The following PITPNM1 variants were observed in gnomAD, a reference collection of about 807,000 sequenced individuals.
The protein encoded by PITPNM1 is membrane-associated phosphatidylinositol transfer protein 1.
Under a neutral mutation model 133.3 loss-of-function variants are expected in PITPNM1, and 74 were observed. That is an observed-to-expected ratio of 0.56 (90% CI 0.46 to 0.67). PITPNM1 has a LOEUF of 0.67. PITPNM1 is among the 30% of genes least tolerant of loss of function. PITPNM1 has a pLI of 0.00. For synonymous variants in PITPNM1, 738 were observed against 741.4 expected, an observed-to-expected ratio of 1.00 and a Z score of 0.08; for missense variants, 1,398 against 1,739.5, an observed-to-expected ratio of 0.80 and a Z score of 3.49.
chr11:67,502,993 GAGATATATTGATGAATAGA>G lies in PITPNM1; in HGVS notation c.79-294_79-276del, dbSNP rs1866384568. 6.6e-6 allele frequency among the ~76,000 whole-genome samples: 1 copy of G among 152,212 alleles called. No homozygotes were observed. The highest frequency in any genetic ancestry group is 1.5e-5 in the Non-Finnish European group (1 of 68,052). ...GGCAGTGTTTGGGATTATATCAATT[GAGATATATTGATGAATAGA>G]ACAAAGATCCCTGCCCTCGTGGAAC... On this transcript the variant is annotated intron_variant, in intron 2 of 23. Transcript: ENST00000356404. The surrounding 1 kb of genome is among the most constrained non-coding windows in gnomAD (Gnocchi z 5.9).
At chr11:67,493,162 GGCAGACGGAGGCGAA>G in intron 22 of PITPNM1, 100 bp from the exon 23 acceptor site, 2 of 1,409,786 alleles carry the variant, frequency 1.4e-6, no homozygotes, top group Non-Finnish European at 2.0e-6. Context: ...GGTGGGTCCA[GGCAGACGGAGGCGAA>G]GACAGGTCCC....
In PITPNM1 at chr11:67,494,367, G is replaced by A. The variant is rs1290484440; in HGVS notation, c.2743-7C>T. 2 of 1,590,630 alleles carry A rather than the reference G, an allele frequency of 1.3e-6. No individual in the cohort carries two copies. Among genetic ancestry groups the A allele is most frequent in the Non-Finnish European group, 1.7e-6 (2 of 1,167,332 alleles). ...GGTGGTTGGAAGTGACGTTCTAGAGGGAGGAGAGGGCGTGAGTCCGCGGCC... is the reference window on the plus strand; with the variant it reads ...GGTGGTTGGAAGTGACGTTCTAGAGAGAGGAGAGGGCGTGAGTCCGCGGCC... On this transcript the variant is annotated splice_region_variant and splice_polypyrimidine_tract_variant and intron_variant, in intron 18 of 23. Coordinates refer to ENST00000356404, the MANE Select transcript of PITPNM1 (RefSeq NM_004910.3).
At chr11:67,497,877 C>G in intron 12 of PITPNM1, 40 bp downstream of exon 12, 1 of 1,579,720 alleles carries the variant, frequency 6.3e-7, no homozygotes, top group Non-Finnish European at 8.7e-7. Flanking sequence ...CCAGAGAGGG[C>G]CTTTCCGCTC....
rs1445355167 is a variant in PITPNM1, at chr11:67,493,407, C to T, written c.3342+3G>A. On this transcript the variant is annotated splice_donor_region_variant and intron_variant, in intron 22 of 23. Coordinates refer to ENST00000356404, the MANE Select transcript of PITPNM1 (RefSeq NM_004910.3). Reference sequence around the variant, plus strand: ...GACCCGGAGCCTCCCCCAGCCGCCGCACCTCCTGCACCAGGCTCTGCAGAA... The same window carrying T: ...GACCCGGAGCCTCCCCCAGCCGCCGTACCTCCTGCACCAGGCTCTGCAGAA... 6.3e-7 allele frequency: 1 copy of T among 1,576,382 alleles called. No homozygotes were observed. The highest frequency in any genetic ancestry group is 1.3e-5 in the African/African-American group (1 of 74,316).
At chr11:67,493,324 C>T in intron 22 of PITPNM1, 86 bp downstream of exon 22, 2 of 1,365,684 alleles carry the variant, frequency 1.5e-6, no homozygotes, top group Non-Finnish European at 2.0e-6. Flanking sequence ...CAGTTGGGAA[C>T]AGATGGGCCT....
rs1367696313 is a variant in PITPNM1, at chr11:67,497,907, C to A, written c.1782+10G>T. 6.2e-7 allele frequency: 1 copy of A among 1,609,378 alleles called. No homozygotes were observed. The highest frequency in any genetic ancestry group is 1.1e-5 in the South Asian group (1 of 91,042). ...CCGCTCCTGAGGAGGCCGGGTTTGG[C>A]TATACTGACCATGCTCCCACGGCGG... On this transcript the variant is annotated intron_variant, in intron 12 of 23. Transcript: ENST00000356404.
At position 67,494,028 on chromosome 11, in the gene PITPNM1, T is replaced by C. The variant is rs769351378; in HGVS notation, c.2902A>G (p.Ile968Val). 2.5e-6 allele frequency: 4 copies of C among 1,611,234 alleles called. No individual in the cohort carries two copies. In the African/African-American group the frequency reaches 4.0e-5, roughly 16 times the overall value. ...IMTQPLSGKWIHFGTEVTNSS... is the reference protein window; with the variant it reads ...IMTQPLSGKWVHFGTEVTNSS... The stretch of plus-strand genomic sequence containing the variant: ...TTGGTGACTTCGGTGCCAAAGTGGA[T>C]CCACTTGCCCGACAGCGGCTGCGTC... The change falls in exon 20 of 24, where the codon ATC (isoleucine) becomes GTC (valine). Residue 968 changes from isoleucine (I) to valine (V), a missense_variant. Ile to Val is a conservative substitution (Grantham distance 29). Around this residue, in one of 5 missense-constraint regions of PITPNM1, gnomAD observed 233 missense variants for 378.0 expected, o/e 0.62. Coordinates refer to ENST00000356404, the MANE Select transcript of PITPNM1 (RefSeq NM_004910.3).
rs1354708315 is a variant in PITPNM1 at position 67,493,857 on chromosome 11, G to A, written c.3009-20C>T. The A allele has an allele frequency of 6.5e-7, 1 of 1,531,082 alleles. No individual in the cohort carries two copies. The highest frequency in any genetic ancestry group is 8.8e-7 in the Non-Finnish European group (1 of 1,136,550). 94.8% of individuals were successfully genotyped at this position (1,531,082 alleles called of 1,614,324 possible). A position where few individuals can be genotyped will look rare whatever the true frequency, so the allele number is the denominator to read the frequency against. On this transcript the variant is annotated intron_variant, in intron 20 of 23. Coordinates refer to ENST00000356404, the MANE Select transcript of PITPNM1 (RefSeq NM_004910.3). Reference sequence around the variant, plus strand: ...TCGCCCCTGCGGCCCACGGGGCGGGGCGTGAGTGGCGCGGGGCGAGGCCTG... The same window carrying A: ...TCGCCCCTGCGGCCCACGGGGCGGGACGTGAGTGGCGCGGGGCGAGGCCTG...
At position 67,492,848 on chromosome 11, in the gene PITPNM1, C is replaced by A. The variant is rs1376015418; in HGVS notation, c.3471+86G>T. On this transcript the variant is annotated intron_variant, in intron 23 of 23. Coordinates refer to ENST00000356404, the MANE Select transcript of PITPNM1 (RefSeq NM_004910.3). ...GGCCGGTTAGGCCTTCTCACATCTT[C>A]CCCAGAGTCCGTGGTTCCCAAGGCC... 4 of 1,497,772 alleles carry A rather than the reference C, an allele frequency of 2.7e-6. No homozygotes were observed. The Admixed American group carries it at 8.0e-5, about 30-fold the overall frequency. 92.8% of individuals were successfully genotyped at this position (1,497,772 alleles called of 1,614,324 possible). A position where few individuals can be genotyped will look rare whatever the true frequency, so the allele number is the denominator to read the frequency against.
At chr11:67,503,278 G>A (rs1866392563) in intron 2 of PITPNM1, among the ~76,000 whole-genome samples, 1 of 152,210 alleles carries the variant, frequency 6.6e-6, no homozygotes. Flanking sequence ...GGAAGCCAGT[G>A]CAGCCCCAAG....
rs779862372 is a variant in PITPNM1, at chr11:67,493,458, G to A, written c.3294C>T (p.His1098=). 6 of 1,605,538 alleles carry A rather than the reference G, an allele frequency of 3.7e-6. No homozygotes were observed. Among genetic ancestry groups the A allele is most frequent in the Non-Finnish European group, 1.7e-6 (2 of 1,176,220 alleles). ...ACATTGCCTTCTGGCGTAGTGGGTCGTGGGTGAGGCCGTCGCAGAAGGAGA... is the reference window on the plus strand; with the variant it reads ...ACATTGCCTTCTGGCGTAGTGGGTCATGGGTGAGGCCGTCGCAGAAGGAGA... ...GVVSFCDGLT[H]DPLRQKAMFL... The change falls in exon 22 of 24, where the codon CAC becomes CAT. Residue 1098 remains histidine, a synonymous_variant. Coordinates refer to ENST00000356404, the MANE Select transcript of PITPNM1 (RefSeq NM_004910.3).
In PITPNM1 at chr11:67,504,163, G is replaced by A. The variant is rs757194052; in HGVS notation, c.18C>T (p.Tyr6=). The A allele has an allele frequency of 2.5e-6, 4 of 1,605,930 alleles. No homozygotes were observed. Among genetic ancestry groups the A allele is most frequent in the Non-Finnish European group, 2.5e-6 (3 of 1,176,600 alleles). Residue 6 remains tyrosine, a synonymous_variant, in exon 2 of 24, where the codon TAC becomes TAT. Coordinates refer to ENST00000356404, the MANE Select transcript of PITPNM1 (RefSeq NM_004910.3). The surrounding 1 kb of genome is among the most constrained non-coding windows in gnomAD (Gnocchi z 5.4). ...CCAGGCTCATGGGCAGCAGAATGTG[G>A]TATTCCTTGATGAGCATCCTGAAGG... The part of the protein sequence containing the change: MLIKE[Y]HILLPMSLDE...
chr11:67,494,776 G>T, intron 18 of PITPNM1, 70 bp downstream of exon 18: 1 of 605,876 alleles, frequency 1.7e-6, no homozygotes, highest in Non-Finnish European at 2.7e-6. Context: ...CTGGGGGGAG[G>T]GGCGGGGCCT....
rs1291571549 is a variant in PITPNM1, at chr11:67,493,781, G to A, written c.3065C>T (p.Ala1022Val). ...GGAGCCGTCGATGCTGAAGACCACA[G>A]CCTCCGTGCCGCGGGCCACCACAGT... ...CLTVVARGTE[A>V]VVFSIDGSFT... The change falls in exon 21 of 24, where the codon GCT (alanine) becomes GTT (valine). Residue 1022 changes from alanine (A) to valine (V), a missense_variant. Coordinates refer to ENST00000356404, the MANE Select transcript of PITPNM1 (RefSeq NM_004910.3). The A allele has an allele frequency of 6.5e-7, 1 of 1,549,926 alleles. No homozygotes were observed. The highest frequency in any genetic ancestry group is 8.7e-7 in the Non-Finnish European group (1 of 1,147,838).
rs531192639 is a variant in PITPNM1, at chr11:67,498,371, C to A, written c.1485-49G>T. 5 of 1,477,112 alleles carry A rather than the reference C, an allele frequency of 3.4e-6. 1 individual carries two copies. In the South Asian group the frequency reaches 6.7e-5, roughly 20 times the overall value. 91.5% of individuals were successfully genotyped at this position (1,477,112 alleles called of 1,614,324 possible). ...GGGTGAGGGGCTTCCAGACCCACTC[C>A]TGCCATCCAAGTCCCCTGGGCCTGC... is the stretch of plus-strand genomic sequence containing the variant. On this transcript the variant is annotated intron_variant, in intron 10 of 23. Coordinates refer to ENST00000356404, the MANE Select transcript of PITPNM1 (RefSeq NM_004910.3). The surrounding 1 kb of genome is among the most constrained non-coding windows in gnomAD (Gnocchi z 5.7).
rs756992306 is a variant in PITPNM1 at position 67,494,927 on chromosome 11, C to T, written c.2661G>A (p.Ala887=). 8 of 1,612,732 alleles carry T rather than the reference C, an allele frequency of 5.0e-6. No individual in the cohort carries two copies. The highest frequency in any genetic ancestry group is 4.0e-5 in the African/African-American group (3 of 74,850). ...TGTAGATGGACGGCTCCTCGCATTC[C>T]GCCAGCTGTGGCCGCTCCTTCTCGA... The part of the protein sequence containing the change: ...QVIEKERPQL[A]ECEEPSIYSP... Residue 887 remains alanine, a synonymous_variant, in exon 18 of 24, where the codon GCG becomes GCA. Coordinates refer to ENST00000356404, the MANE Select transcript of PITPNM1 (RefSeq NM_004910.3).
In PITPNM1 at chr11:67,502,455, A is replaced by C; in HGVS notation, c.294-42T>G. The C allele has an allele frequency of 1.9e-6, 3 of 1,613,618 alleles. No homozygotes were observed. The highest frequency in any genetic ancestry group is 2.5e-6 in the Non-Finnish European group (3 of 1,179,876). ...GGTGAGGCTCACTGCTGTACCCACCAGGGCCGCTCCCCTCCTGGCCTCGGA... is the reference window on the plus strand; with the variant it reads ...GGTGAGGCTCACTGCTGTACCCACCCGGGCCGCTCCCCTCCTGGCCTCGGA... On this transcript the variant is annotated intron_variant, in intron 3 of 23. Transcript: ENST00000356404. This position sits in a 1 kb window ranked among gnomAD's most constrained non-coding sequence, Gnocchi z 5.9.
At chr11:67,497,772 C>T (rs1022388112) in intron 12 of PITPNM1, 93 bp from the exon 13 acceptor site, 5 of 1,547,554 alleles carry the variant, frequency 3.2e-6, no homozygotes, top group Non-Finnish European at 4.4e-6. Flanking sequence ...GGGGGTTGGG[C>T]AGAGCAGAAT....
rs1865946563 is a variant in PITPNM1, at chr11:67,492,191, C to T, written c.3577G>A (p.Gly1193Ser). The T allele has an allele frequency of 6.2e-7, 1 of 1,611,140 alleles. No homozygotes were observed. Among genetic ancestry groups the T allele is most frequent in the Non-Finnish European group, 8.5e-7 (1 of 1,179,716 alleles). ...PRAALGKSSY[G>S]VAAPVDFLRK... ...AGGAAGTCCACGGGGGCAGCCACACCATAGCTGCTCTTGCCCAAGGCAGCT... is the reference window on the plus strand; with the variant it reads ...AGGAAGTCCACGGGGGCAGCCACACTATAGCTGCTCTTGCCCAAGGCAGCT... Residue 1193 changes from glycine (G) to serine (S), a missense_variant, in exon 24 of 24, where the codon GGT becomes AGT. Transcript: ENST00000356404.
Sources: gnomAD v4.1 joint callset for allele counts (sites outside exome capture counted in the v4.1 genomes callset) on GRCh38, gnomAD v4.1.1 for gene constraint, gnomAD v4.1.1 regional missense constraint, Gnocchi (gnomAD v3.1) non-coding constraint, MANE v1.5 for transcripts, NCBI Gene and HGNC (gene_info 2026-07-23, HGNC 2026-07-21) for gene names.